SAC3D1: variants seen among roughly 807,000 people sequenced by gnomAD.
SAC3D1 encodes SAC3 domain containing 1.
Under a neutral mutation model 12.7 loss-of-function variants are expected in SAC3D1, and 10 were observed. The ratio of observed to expected loss-of-function variants is 0.79; its 90% CI spans 0.49 to 1.34. The LOEUF is 1.34. Ranked by LOEUF, SAC3D1 falls within the 40% of genes most tolerant of loss-of-function variation. The pLI is 0.00. For synonymous variants in SAC3D1, 241 were observed against 250.8 expected, an observed-to-expected ratio of 0.96 and a Z score of 0.37; for missense variants, 482 against 531.1, an observed-to-expected ratio of 0.91 and a Z score of 0.91.
rs1334626657 is a variant in SAC3D1, at chr11:65,041,671, G to A, written c.379G>A (p.Glu127Lys). Reference protein sequence around the residue: ...AGDAEAAVVLEAALATLLTVV... With the variant: ...AGDAEAAVVLKAALATLLTVV... ...CGACGCCGAGGCAGCTGTGGTGCTG[G>A]AGGCGGCGCTGGCCACGCTGCTGAC... The change falls in exon 1 of 2, where the codon GAG (glutamate) becomes AAG (lysine). Residue 127 changes from glutamate (E) to lysine (K), a missense_variant. Physicochemically the swap from Glu to Lys is moderately conservative, Grantham distance 56. Around this residue, in one of 3 missense-constraint regions of SAC3D1, gnomAD observed 60 missense variants for 106.9 expected, o/e 0.56. Transcript: ENST00000652489. 1 of 1,406,086 alleles carries A rather than the reference G, an allele frequency of 7.1e-7. No homozygotes were observed. The highest frequency in any genetic ancestry group is 2.5e-4 in the Middle Eastern group (1 of 3,928). 87.1% of individuals were successfully genotyped at this position (1,406,086 alleles called of 1,614,324 possible).
Position 65,044,774 on chromosome 11 carries a change from T to G in SAC3D1, c.*47T>G. The stretch of plus-strand genomic sequence containing the variant: ...GAGCCCCAGGACTGGGCCAGAGCAC[T>G]TAGGTTTCTTTTTCCATGGTTTCCA... On this transcript the variant is annotated 3_prime_UTR_variant, in exon 2 of 2. Coordinates refer to ENST00000652489, the MANE Select transcript of SAC3D1 (RefSeq NM_013299.4). This position sits in a 1 kb window ranked among gnomAD's most constrained non-coding sequence, Gnocchi z 4.0. 1 of 1,558,264 alleles carries G rather than the reference T, an allele frequency of 6.4e-7. No homozygotes were observed. The highest frequency in any genetic ancestry group is 8.7e-7 in the Non-Finnish European group (1 of 1,154,800).
At position 65,044,102 on chromosome 11, in the gene SAC3D1, A is replaced by G; in HGVS notation, c.575-123A>G. ...GGCTGGCCCTTAGAGGGGAGAGGGA[A>G]GTTGGGCTAGGCCTAGAGAAGGGGC... On this transcript the variant is annotated intron_variant, in intron 1 of 1. Coordinates refer to ENST00000652489, the MANE Select transcript of SAC3D1 (RefSeq NM_013299.4). This position sits in a 1 kb window ranked among gnomAD's most constrained non-coding sequence, Gnocchi z 4.0. 1 of 1,119,328 alleles carries G rather than the reference A, an allele frequency of 8.9e-7. No individual in the cohort carries two copies. The highest frequency in any genetic ancestry group is 2.4e-5 in the East Asian group (1 of 41,828). 69.3% of individuals were successfully genotyped at this position (1,119,328 alleles called of 1,614,324 possible).
In SAC3D1 at chr11:65,041,483, C is replaced by T. The variant is rs1946597927; in HGVS notation, c.191C>T (p.Pro64Leu). The change falls in exon 1 of 2, where the codon CCC becomes CTC. Residue 64 changes from proline (P) to leucine (L), a missense_variant. Pro to Leu is a moderately conservative substitution (Grantham distance 98). Transcript: ENST00000652489. ...YSRPAAGKPR[P>L]PPSQLRPPSV... ...CGACCCGCCGCCGGCAAGCCCCGGC[C>T]CCCGCCCAGCCAGTTGCGTCCGCCC... 6.8e-7 allele frequency: 1 copy of T among 1,471,734 alleles called. No homozygotes were observed. The highest frequency in any genetic ancestry group is 8.9e-7 in the Non-Finnish European group (1 of 1,118,118). 91.2% of individuals were successfully genotyped at this position (1,471,734 alleles called of 1,614,324 possible). A position where few individuals can be genotyped will look rare whatever the true frequency, so the allele number is the denominator to read the frequency against.
In SAC3D1 at chr11:65,041,523, C is replaced by A; in HGVS notation, c.231C>A (p.Ala77=). ...TGCGTCCGCCCTCCGTGCTGCTGGC[C>A]ACCGTGCGCTACCTGGCCGGTGAGG... is the stretch of plus-strand genomic sequence containing the variant. ...SQLRPPSVLL[A]TVRYLAGEVA... Residue 77 remains alanine (A), a synonymous_variant, in exon 1 of 2, where the codon GCC becomes GCA. Coordinates refer to ENST00000652489, the MANE Select transcript of SAC3D1 (RefSeq NM_013299.4). 1 of 1,467,126 alleles carries A rather than the reference C, an allele frequency of 6.8e-7. No individual in the cohort carries two copies. Among genetic ancestry groups the A allele is most frequent in the Non-Finnish European group, 9.0e-7 (1 of 1,115,582 alleles). 90.9% of individuals were successfully genotyped at this position (1,467,126 alleles called of 1,614,324 possible).
chr11:65,044,436 T>C lies in SAC3D1; in HGVS notation c.786T>C (p.Ala262=). The C allele has an allele frequency of 2.5e-6, 4 of 1,613,872 alleles. No individual in the cohort carries two copies. Among genetic ancestry groups the C allele is most frequent in the Non-Finnish European group, 3.4e-6 (4 of 1,180,044 alleles). ...HARREALARF[A]RAFSTPKGQT... is the part of the protein sequence containing the mutation. ...GCCGGGAAGCCCTGGCCCGCTTCGC[T>C]CGTGCCTTTAGCACCCCCAAGGGCC... The change falls in exon 2 of 2, where the codon GCT becomes GCC. Residue 262 remains alanine (A), a synonymous_variant. Coordinates refer to ENST00000652489, the MANE Select transcript of SAC3D1 (RefSeq NM_013299.4). The surrounding 1 kb of genome is among the most constrained non-coding windows in gnomAD (Gnocchi z 4.0).
At position 65,041,312 on chromosome 11, in the gene SAC3D1, C is replaced by G; in HGVS notation, c.20C>G (p.Pro7Arg). ...CCCCTCATGCCCGGCTGCGAGCTGC[C>G]CGTGGGCACCTGCCCGGACATGTGC... MPGCEL[P>R]VGTCPDMCPA... Residue 7 changes from proline (P) to arginine (R), a missense_variant, in exon 1 of 2, where the codon CCC becomes CGC. This residue lies in a region of SAC3D1 where 197 missense variants were observed against 183.2 expected (regional missense o/e 1.08). Transcript: ENST00000652489. The G allele has an allele frequency of 1.3e-6, 2 of 1,508,420 alleles. No individual in the cohort carries two copies. The highest frequency in any genetic ancestry group is 1.8e-6 in the Non-Finnish European group (2 of 1,136,004). The allele number at this position is 1,508,420 out of a possible 1,614,324, so 93.4% of individuals were successfully genotyped here.
chr11:65,042,018 G>A (rs1188421645), intron 1 of SAC3D1, 152 bp downstream of exon 1: 5 of 1,061,076 alleles, frequency 4.7e-6, no homozygotes, highest in African/African-American at 1.6e-5. Context: ...GTGGGACCTC[G>A]GGCCCATCTC....
intron 1 of SAC3D1, among the ~76,000 whole-genome samples, chr11:65,042,440 G>T (rs906465656): frequency 3.3e-5 from 5 of 151,850 alleles, no homozygotes; most frequent in African/African-American, 1.2e-4. Flanking sequence ...GGGTTACCAA[G>T]CAAACAAGAA....
chr11:65,043,928 A>G (rs1163357649), intron 1 of SAC3D1, among the ~76,000 whole-genome samples: 2 of 152,184 alleles, frequency 1.3e-5, no homozygotes, highest in East Asian at 3.9e-4. Context: ...CCGCCCTAGG[A>G]CACTCTCAGG....
At position 65,044,536 on chromosome 11, in the gene SAC3D1, G is replaced by A; in HGVS notation, c.886G>A (p.Ala296Thr). Residue 296 changes from alanine to threonine, a missense_variant, in exon 2 of 2, where the codon GCC becomes ACC. Around this residue, in one of 3 missense-constraint regions of SAC3D1, gnomAD observed 225 missense variants for 241.1 expected, o/e 0.93. Coordinates refer to ENST00000652489, the MANE Select transcript of SAC3D1 (RefSeq NM_013299.4). The surrounding 1 kb of genome is among the most constrained non-coding windows in gnomAD (Gnocchi z 4.0). ...CAGGGAAGCACGGGACCTGTGCCAG[G>A]CCCACGGGCTGCCCTTGGACGGAGA... ...GLREARDLCQ[A>T]HGLPLDGEER... 1 of 1,614,194 alleles carries A rather than the reference G, an allele frequency of 6.2e-7. No homozygotes were observed. The highest frequency in any genetic ancestry group is 8.5e-7 in the Non-Finnish European group (1 of 1,180,030).
chr11:65,041,897 C>T, intron 1 of SAC3D1, 31 bp downstream of exon 1: 2 of 1,401,958 alleles, frequency 1.4e-6, no homozygotes, highest in Admixed American at 3.4e-5. Context: ...CTGGGCAGAG[C>T]GTGGGGACAG....
chr11:65,042,070 G>T, intron 1 of SAC3D1: 1 of 624,546 alleles, frequency 1.6e-6, no homozygotes, highest in Non-Finnish European at 2.3e-6. Flanking sequence ...AGGGGGCAAG[G>T]GTGGAAAGGG....
chr11:65,041,503 C>G lies in SAC3D1; in HGVS notation c.211C>G (p.Pro71Ala), dbSNP rs1022088305. 23 of 1,467,068 alleles carry G rather than the reference C, an allele frequency of 1.6e-5. No homozygotes were observed. Among genetic ancestry groups the G allele is most frequent in the African/African-American group, 4.4e-5 (3 of 67,872 alleles). 90.9% of individuals were successfully genotyped at this position (1,467,068 alleles called of 1,614,324 possible). The change falls in exon 1 of 2, where the codon CCG becomes GCG. Residue 71 changes from proline (P) to alanine (A), a missense_variant. Around this residue, in one of 3 missense-constraint regions of SAC3D1, gnomAD observed 197 missense variants for 183.2 expected, o/e 1.08. Coordinates refer to ENST00000652489, the MANE Select transcript of SAC3D1 (RefSeq NM_013299.4). ...KPRPPPSQLR[P>A]PSVLLATVRY... ...CCGGCCCCCGCCCAGCCAGTTGCGTCCGCCCTCCGTGCTGCTGGCCACCGT... is the reference window on the plus strand; with the variant it reads ...CCGGCCCCCGCCCAGCCAGTTGCGTGCGCCCTCCGTGCTGCTGGCCACCGT...
Position 65,044,141 on chromosome 11 carries a change from G to GAGGA in SAC3D1, c.575-79_575-76dup. On this transcript the variant is annotated intron_variant, in intron 1 of 1. Coordinates refer to ENST00000652489, the MANE Select transcript of SAC3D1 (RefSeq NM_013299.4). The surrounding 1 kb of genome is among the most constrained non-coding windows in gnomAD (Gnocchi z 4.0). ...TAGAGAAGGGGCGTGGTCGAGGAGA[G>GAGGA]AGGAAGGACAGGGTGTTGGGAGGGG... 2 of 1,497,840 alleles carry GAGGA rather than the reference G, an allele frequency of 1.3e-6. No individual in the cohort carries two copies. The highest frequency in any genetic ancestry group is 1.8e-6 in the Non-Finnish European group (2 of 1,099,226). The allele number at this position is 1,497,840 out of a possible 1,614,324, so 92.8% of individuals were successfully genotyped here.
chr11:65,041,847 C>G lies in SAC3D1; in HGVS notation c.555C>G (p.Leu185=). ...PHPRQPAFQG[L]FLLYNLGSVE... is the part of the protein sequence containing the mutation. Reference sequence around the variant, plus strand: ...CCCGCCAACCCGCCTTCCAGGGCCTCTTTCTGCTCTATAACCTGGGTGAGT... The same window carrying G: ...CCCGCCAACCCGCCTTCCAGGGCCTGTTTCTGCTCTATAACCTGGGTGAGT... Residue 185 remains leucine, a synonymous_variant, in exon 1 of 2, where the codon CTC becomes CTG. Transcript: ENST00000652489. 1 of 1,468,694 alleles carries G rather than the reference C, an allele frequency of 6.8e-7. No homozygotes were observed. The highest frequency in any genetic ancestry group is 3.0e-5 in the East Asian group (1 of 33,612). 91.0% of individuals were successfully genotyped at this position (1,468,694 alleles called of 1,614,324 possible). A position where few individuals can be genotyped will look rare whatever the true frequency, so the allele number is the denominator to read the frequency against.
In SAC3D1 at chr11:65,041,810, C is replaced by T. The variant is rs1334245006; in HGVS notation, c.518C>T (p.Ala173Val). The T allele has an allele frequency of 6.8e-7, 1 of 1,464,636 alleles. No homozygotes were observed. The highest frequency in any genetic ancestry group is 9.0e-7 in the Non-Finnish European group (1 of 1,114,884). The allele number at this position is 1,464,636 out of a possible 1,614,324, so 90.7% of individuals were successfully genotyped here. Residue 173 changes from alanine (A) to valine (V), a missense_variant, in exon 1 of 2, where the codon GCC (alanine) becomes GTC (valine). Transcript: ENST00000652489. The part of the protein sequence containing the change: ...GSLRRCYARG[A>V]GPHPRQPAFQ... Reference sequence around the variant, plus strand: ...CTGCGGCGCTGCTACGCGCGGGGCGCCGGGCCGCACCCCCGCCAACCCGCC... The same window carrying T: ...CTGCGGCGCTGCTACGCGCGGGGCGTCGGGCCGCACCCCCGCCAACCCGCC...
rs1175457595 is a variant in SAC3D1, at chr11:65,041,567, T to A, written c.275T>A (p.Ile92Asn). 1.4e-6 allele frequency: 2 copies of A among 1,478,546 alleles called. No homozygotes were observed. The highest frequency in any genetic ancestry group is 1.8e-6 in the Non-Finnish European group (2 of 1,120,336). The allele number at this position is 1,478,546 out of a possible 1,614,324, so 91.6% of individuals were successfully genotyped here. A position where few individuals can be genotyped will look rare whatever the true frequency, so the allele number is the denominator to read the frequency against. The change falls in exon 1 of 2, where the codon ATC becomes AAC. Residue 92 changes from isoleucine (I) to asparagine (N), a missense_variant. By Grantham distance (149) the Ile-to-Asn change is moderately radical (BLOSUM62 -3). Coordinates refer to ENST00000652489, the MANE Select transcript of SAC3D1 (RefSeq NM_013299.4). ...GGTGAGGTGGCGGAGAGCGCCGACATCGCCCGCGCCGAGGTGGCCAGCTTC... is the reference window on the plus strand; with the variant it reads ...GGTGAGGTGGCGGAGAGCGCCGACAACGCCCGCGCCGAGGTGGCCAGCTTC... ...LAGEVAESAD[I>N]ARAEVASFVA...
Position 65,044,778 on chromosome 11 carries a change from G to C in SAC3D1, c.*51G>C. 2 of 1,555,810 alleles carry C rather than the reference G, an allele frequency of 1.3e-6. No homozygotes were observed. Among genetic ancestry groups the C allele is most frequent in the East Asian group, 2.3e-5 (1 of 44,252 alleles). ...CCCAGGACTGGGCCAGAGCACTTAG[G>C]TTTCTTTTTCCATGGTTTCCAGGTA... On this transcript the variant is annotated 3_prime_UTR_variant, in exon 2 of 2. Transcript: ENST00000652489. The surrounding 1 kb of genome is among the most constrained non-coding windows in gnomAD (Gnocchi z 4.0).
chr11:65,042,699 A>G (rs626483), intron 1 of SAC3D1, among the ~76,000 whole-genome samples: 151,396 of 152,144 alleles, frequency 1, 75,333 homozygotes, highest in Middle Eastern at 1. Context: ...GCACCACCAC[A>G]CCCGGCTAGT....
Sources: gnomAD v4.1 joint callset for allele counts (sites outside exome capture counted in the v4.1 genomes callset) on GRCh38, gnomAD v4.1.1 for gene constraint, gnomAD v4.1.1 regional missense constraint, Gnocchi (gnomAD v3.1) non-coding constraint, MANE v1.5 for transcripts, NCBI Gene and HGNC (gene_info 2026-07-23, HGNC 2026-07-21) for gene names.